BACC1: variants seen among roughly 807,000 people sequenced by gnomAD.
The protein encoded by BACC1 is BPTF associated chromatin complex component 1, also known as BPTF-associated chromatin complex component 1.
chr17:7,015,524 T>G, the BACC1 span: 2 of 1,409,010 alleles, frequency 1.4e-6, no homozygotes, highest in East Asian at 2.7e-5. Context: ...CAGCAGCCGT[T>G]TAACGTTGAT....
At chr17:7,015,478 G>A in the BACC1 span, 1 of 1,371,630 alleles carries the variant, frequency 7.3e-7, no homozygotes. Context: ...GTTTTGAAAA[G>A]CCCTTCCTGG....
the BACC1 span, chr17:7,016,905 C>A: frequency 4.8e-5 from 77 of 1,612,094 alleles, no homozygotes; most frequent in Non-Finnish European, 6.4e-5. Flanking sequence ...ATGCCCCCTT[C>A]CCAGATGTGA....
the BACC1 span, chr17:7,017,372 G>T: frequency 6.5e-7 from 1 of 1,544,510 alleles, no homozygotes; most frequent in Non-Finnish European, 9.0e-7. Context: ...TGGATCTCCT[G>T]GGACTCCGAG....
chr17:7,014,790 T>C, the BACC1 span: 5 of 1,517,794 alleles, frequency 3.3e-6, no homozygotes, highest in Non-Finnish European at 4.4e-6. This position sits in a 1 kb window ranked among gnomAD's most constrained non-coding sequence, Gnocchi z 4.5. Context: ...TCAGTCTCCC[T>C]GCTCTCCGTG....
At chr17:7,014,879 G>T in the BACC1 span, 3 of 1,534,848 alleles carry the variant, frequency 2.0e-6, no homozygotes, top group Non-Finnish European at 2.6e-6. This position sits in a 1 kb window ranked among gnomAD's most constrained non-coding sequence, Gnocchi z 4.5. Context: ...GTCCACAAAG[G>T]TTCGACCTCC....
the BACC1 span, chr17:7,015,028 G>A: frequency 6.9e-7 from 1 of 1,452,156 alleles, no homozygotes; most frequent in South Asian, 1.3e-5. Flanking sequence ...GGGAGGGCGG[G>A]CGCCGGCCCC....
the BACC1 span, chr17:7,014,841 AG>A: frequency 6.5e-7 from 1 of 1,529,470 alleles, no homozygotes; most frequent in Middle Eastern, 1.7e-4. This position sits in a 1 kb window ranked among gnomAD's most constrained non-coding sequence, Gnocchi z 4.5. Flanking sequence ...CGTCTCCGTG[AG>A]GAGGCGCGCG....
the BACC1 span, chr17:7,014,856 C>A: frequency 6.5e-7 from 1 of 1,537,490 alleles, no homozygotes; most frequent in Non-Finnish European, 8.7e-7. This position sits in a 1 kb window ranked among gnomAD's most constrained non-coding sequence, Gnocchi z 4.5. Context: ...GCGCGCGGGG[C>A]CATGACGTCA....
At chr17:7,015,717 G>A in the BACC1 span, 2 of 1,529,034 alleles carry the variant, frequency 1.3e-6, no homozygotes, top group Non-Finnish European at 1.8e-6. Context: ...ATAGCCTGTG[G>A]GCGGGCTCCA....
At chr17:7,014,965 G>T in the BACC1 span, 4 of 1,445,360 alleles carry the variant, frequency 2.8e-6, no homozygotes, top group African/African-American at 1.5e-5. This position sits in a 1 kb window ranked among gnomAD's most constrained non-coding sequence, Gnocchi z 4.5. Context: ...GCCCCGGGCG[G>T]GGGGCGGGCG....
chr17:7,016,666 C>T, the BACC1 span: 4 of 1,611,498 alleles, frequency 2.5e-6, no homozygotes, highest in Admixed American at 5.1e-5. Flanking sequence ...GGGGTCCCCC[C>T]ATAAAGAAAC....
the BACC1 span, chr17:7,015,293 A>G: frequency 4.2e-4 from 580 of 1,393,454 alleles, 1 homozygote; most frequent in Non-Finnish European, 4.6e-4. Flanking sequence ...GTGTTAATAA[A>G]TGATCGTTGG....
At chr17:7,016,717 A>G in the BACC1 span, 1 of 1,593,038 alleles carries the variant, frequency 6.3e-7, no homozygotes, top group Non-Finnish European at 8.5e-7. Context: ...CCTAGGGGTT[A>G]AAGGTCCCAT....
chr17:7,017,226 C>T, the BACC1 span: 4 of 1,614,058 alleles, frequency 2.5e-6, no homozygotes, highest in Non-Finnish European at 3.4e-6. Flanking sequence ...GGGGCTCGCT[C>T]CATCTCGGCC....
the BACC1 span, chr17:7,016,946 A>G: frequency 4.5e-5 from 73 of 1,613,994 alleles, no homozygotes; most frequent in South Asian, 5.9e-4. Context: ...TCCGATGCCA[A>G]CAGTGACGTG....
the BACC1 span, chr17:7,015,930 C>G: frequency 1.4e-6 from 2 of 1,465,922 alleles, no homozygotes; most frequent in African/African-American, 2.8e-5. Flanking sequence ...TTCCTCCTTA[C>G]CCAAGGTTCC....
the BACC1 span, chr17:7,015,156 G>A: frequency 6.4e-7 from 1 of 1,571,296 alleles, no homozygotes; most frequent in Non-Finnish European, 8.6e-7. Context: ...TCTCCTGCGG[G>A]GTACGTGAGC....
At chr17:7,017,008 G>A in the BACC1 span, 13 of 1,611,238 alleles carry the variant, frequency 8.1e-6, no homozygotes, top group African/African-American at 1.3e-5. Context: ...ACTCAACTTC[G>A]ACCAGGGTAG....
chr17:7,017,442 A>C, the BACC1 span: 3 of 903,690 alleles, frequency 3.3e-6, no homozygotes, highest in Non-Finnish European at 5.5e-6. Context: ...CTATTCCCGC[A>C]TAAGCATCTG....
Sources: gnomAD v4.1 joint callset for allele counts on GRCh38, gnomAD v4.1.1 for gene constraint, Gnocchi (gnomAD v3.1) non-coding constraint, MANE v1.5 for transcripts, NCBI Gene and HGNC (gene_info 2026-07-23, HGNC 2026-07-21) for gene names.